NOL4: variants seen among roughly 807,000 people sequenced by gnomAD.
The protein encoded by NOL4 is cancer/testis antigen 125.
In NOL4, 17 loss-of-function variants were observed where a neutral mutation model predicts 75.9. The observed-to-expected ratio is 0.22, with a 90% CI of 0.15 to 0.34. The LOEUF (loss-of-function observed/expected upper bound fraction) is 0.34, where lower values mean the gene tolerates loss of function less well. Ranked by LOEUF, NOL4 falls within the 10% of genes least tolerant of loss-of-function variation. The pLI is 1.00. For synonymous variants in NOL4, 292 were observed against 289.9 expected, an observed-to-expected ratio of 1.01 and a Z score of -0.07; for missense variants, 614 against 793.5, an observed-to-expected ratio of 0.77 and a Z score of 2.72.
intron 5 of NOL4, among the ~76,000 whole-genome samples, chr18:34,070,481 A>C (rs998739184): frequency 1.3e-5 from 2 of 152,220 alleles, no homozygotes; most frequent in African/African-American, 4.8e-5. Context: ...TTTCCACATA[A>C]TATAGAGAGG....
At chr18:33,871,913 G>A (rs984763724) in intron 10 of NOL4, among the ~76,000 whole-genome samples, 6 of 151,970 alleles carry the variant, frequency 3.9e-5, no homozygotes, top group African/African-American at 1.4e-4. Context: ...AAAGATTTGA[G>A]GGCTCAGCCA....
intron 1 of NOL4, among the ~76,000 whole-genome samples, chr18:34,139,363 T>C (rs1331299539): frequency 1.3e-5 from 2 of 152,200 alleles, no homozygotes; most frequent in East Asian, 3.9e-4. Flanking sequence ...GAGCCTGTTC[T>C]TGGTCTATTC....
intron 9 of NOL4, among the ~76,000 whole-genome samples, chr18:33,924,926 C>T (rs930857320): frequency 2.1e-4 from 32 of 151,808 alleles, no homozygotes; most frequent in African/African-American, 7.5e-4. Flanking sequence ...ATAAAGACAC[C>T]CTGGTGGAAA....
chr18:34,030,579 T>C lies in NOL4; in HGVS notation c.773-10978A>G, dbSNP rs182577289. Among the ~76,000 whole-genome samples, 7 of 152,314 alleles carry C rather than the reference T, an allele frequency of 4.6e-5. No homozygotes were observed. In the East Asian group the frequency reaches 1.2e-3, roughly 25 times the overall value. ...ATTGAAATTGTTTTGTATTTGTTGA[T>C]AGGAGAGACATGTGTTAATGGATAC... is the stretch of plus-strand genomic sequence containing the variant. On this transcript the variant is annotated intron_variant, in intron 5 of 10. Coordinates refer to ENST00000261592, the MANE Select transcript of NOL4 (RefSeq NM_003787.5).
chr18:34,064,228 T>G (rs2077176374), intron 5 of NOL4, among the ~76,000 whole-genome samples: 1 of 151,952 alleles, frequency 6.6e-6, no homozygotes, highest in African/African-American at 2.4e-5. Context: ...GACTAAACAA[T>G]CTATCCTTAG....
Position 34,097,679 on chromosome 18 carries a change from G to A in NOL4, c.640-4082C>T, listed in dbSNP as rs190743540. On this transcript the variant is annotated intron_variant, in intron 4 of 10. Transcript: ENST00000261592. ...CAGTTAAACTTATACATTCACATGT[G>A]ACTAATGACTACCATCTTAGGCAGT... 5.4e-3 allele frequency among the ~76,000 whole-genome samples: 822 copies of A among 152,208 alleles called. 2 individuals are homozygous for A. The highest frequency in any genetic ancestry group is 0.011 in the Admixed American group (163 of 15,284).
At chr18:33,908,400 G>A (rs984212900) in intron 9 of NOL4, among the ~76,000 whole-genome samples, 1 of 152,090 alleles carries the variant, frequency 6.6e-6, no homozygotes, top group Non-Finnish European at 1.5e-5. Context: ...CAACATGGTT[G>A]GCTGAGCAGA....
chr18:34,191,187 C>A (rs2034886862), intron 1 of NOL4, among the ~76,000 whole-genome samples: 2 of 151,988 alleles, frequency 1.3e-5, no homozygotes, highest in Non-Finnish European at 2.9e-5. Flanking sequence ...GTATCCCCAC[C>A]CAATTCTGCT....
chr18:33,879,093 A>T (rs895994243), intron 10 of NOL4, among the ~76,000 whole-genome samples: 4 of 152,078 alleles, frequency 2.6e-5, no homozygotes, highest in Non-Finnish European at 5.9e-5. Flanking sequence ...TATTTGCATC[A>T]CTTTTCTTTT....
At chr18:33,937,622 C>T (rs1331930810) in intron 9 of NOL4, among the ~76,000 whole-genome samples, 1 of 152,048 alleles carries the variant, frequency 6.6e-6, no homozygotes, top group Admixed American at 6.6e-5. Context: ...TGCAAAAGAA[C>T]TCTGGCTCTC....
intron 6 of NOL4, among the ~76,000 whole-genome samples, chr18:34,006,973 T>C (rs1187400498): frequency 6.6e-6 from 1 of 152,024 alleles, no homozygotes; most frequent in Non-Finnish European, 1.5e-5. Context: ...TCACTCATTA[T>C]TACCACTAGA....
intron 1 of NOL4, among the ~76,000 whole-genome samples, chr18:34,199,389 G>A (rs999925940): frequency 1.3e-5 from 2 of 151,662 alleles, no homozygotes; most frequent in Non-Finnish European, 3.0e-5. Flanking sequence ...ATAAAAAGAG[G>A]AGCAAAAATG....
chr18:34,128,948 T>C (rs1379595464), intron 2 of NOL4: 1 of 706,848 alleles, frequency 1.4e-6, no homozygotes, highest in Non-Finnish European at 1.7e-6. Context: ...AAACAGTTAA[T>C]ATAAAGGTAG....
intron 5 of NOL4, among the ~76,000 whole-genome samples, chr18:34,078,870 G>A (rs2077865253): frequency 1.3e-5 from 2 of 152,230 alleles, no homozygotes; most frequent in South Asian, 4.1e-4. Flanking sequence ...TGAAGCTCTA[G>A]ATATGGTAAT....
intron 5 of NOL4, among the ~76,000 whole-genome samples, chr18:34,030,884 T>C (rs34728579): frequency 0.21 from 32,559 of 151,978 alleles, 4,308 homozygotes; most frequent in East Asian, 0.5. Flanking sequence ...TTATTTACTC[T>C]ATTGCTTAAA....
At chr18:34,149,040 T>C (rs1276133619) in intron 1 of NOL4, among the ~76,000 whole-genome samples, 1 of 151,720 alleles carries the variant, frequency 6.6e-6, no homozygotes, top group African/African-American at 2.4e-5. Context: ...TTTTTAGTTA[T>C]TGTGGCTAAT....
chr18:34,014,955 T>C lies in NOL4; in HGVS notation c.1056+4363A>G, dbSNP rs2074597469. ...ATTCACAATAAAATTGTGAAACAGG[T>C]CAATATTAAACTCACTGGAATCTAA... On this transcript the variant is annotated intron_variant, in intron 6 of 10. Coordinates refer to ENST00000261592, the MANE Select transcript of NOL4 (RefSeq NM_003787.5). Among the ~76,000 whole-genome samples, 3 of 152,106 alleles carry C rather than the reference T, an allele frequency of 2.0e-5. No individual in the cohort carries two copies. The South Asian group carries it at 6.2e-4, about 32-fold the overall frequency.
intron 9 of NOL4, among the ~76,000 whole-genome samples, chr18:33,911,628 T>C (rs773874439): frequency 6.6e-6 from 1 of 152,170 alleles, no homozygotes; most frequent in Non-Finnish European, 1.5e-5. Context: ...TTTCTGAGGA[T>C]ATAAATTATA....
rs117911919 is a variant in NOL4 at position 34,095,767 on chromosome 18, T to C, written c.640-2170A>G. 3.1e-3 allele frequency among the ~76,000 whole-genome samples: 477 copies of C among 152,208 alleles called. 2 individuals carry two copies. Among genetic ancestry groups the C allele is most frequent in the Non-Finnish European group, 4.4e-3 (300 of 67,988 alleles). ...ACATTTATTACAGTATATGAACATATACAACAAAATATAACACATTTCAAT... is the reference window on the plus strand; with the variant it reads ...ACATTTATTACAGTATATGAACATACACAACAAAATATAACACATTTCAAT... On this transcript the variant is annotated intron_variant, in intron 4 of 10. Coordinates refer to ENST00000261592, the MANE Select transcript of NOL4 (RefSeq NM_003787.5).
Sources: gnomAD v4.1 joint callset for allele counts (sites outside exome capture counted in the v4.1 genomes callset) on GRCh38, gnomAD v4.1.1 for gene constraint, MANE v1.5 for transcripts, NCBI Gene and HGNC (gene_info 2026-07-23, HGNC 2026-07-21) for gene names.